Variants in RAPGEF2 observed in about 807,000 individuals in gnomAD.
RAPGEF2 encodes the protein PDZ domain containing guanine nucleotide exchange factor (GEF) 1.
RAPGEF2 carries 54 observed loss-of-function variants against 186.7 expected under a neutral mutation model. The observed-to-expected ratio is 0.29, with a 90% confidence interval of 0.23 to 0.36. RAPGEF2 has a LOEUF of 0.36. Among genes scored for constraint, RAPGEF2 ranks in the 10% least tolerant of loss-of-function variants. RAPGEF2 has a pLI of 1.00. For synonymous variants in RAPGEF2, 712 were observed against 705.9 expected, an observed-to-expected ratio of 1.01 and a Z score of -0.14; for missense variants, 1,532 against 2,045.0, an observed-to-expected ratio of 0.75 and a Z score of 4.84.
chr4:159,301,108 C>T (rs944029261), intron 7 of RAPGEF2, among the ~76,000 whole-genome samples: 30 of 152,194 alleles, frequency 2.0e-4, no homozygotes, highest in African/African-American at 7.2e-4. Flanking sequence ...TGTGGTGGCT[C>T]ATGCCTGTAA....
intron 4 of RAPGEF2, among the ~76,000 whole-genome samples, chr4:159,229,919 GAT>G (rs1752448090): frequency 1.3e-5 from 2 of 151,428 alleles, no homozygotes; most frequent in South Asian, 4.2e-4. Flanking sequence ...TTTCTTTTTT[GAT>G]ATGGCAGAGA....
In RAPGEF2 at chr4:159,173,022, T is replaced by C. The variant is rs541928023; in HGVS notation, c.70-13620T>C. Among the ~76,000 whole-genome samples the C allele has an allele frequency of 9.2e-5, 14 of 152,300 alleles. No homozygotes were observed. In the South Asian group the frequency reaches 2.9e-3, roughly 32 times the overall value. On this transcript the variant is annotated intron_variant, in intron 1 of 29. Transcript: ENST00000691494. The stretch of plus-strand genomic sequence containing the variant: ...CCTAAAATTTCTTTAGCATTTTAGC[T>C]CATTTTCTGACCAATAGTGGAAGGC...
At chr4:159,275,208 A>G (rs1758695386) in intron 7 of RAPGEF2, among the ~76,000 whole-genome samples, 2 of 152,112 alleles carry the variant, frequency 1.3e-5, no homozygotes, top group East Asian at 1.9e-4. Flanking sequence ...CTATATAAAT[A>G]TGCCCCATAT....
At chr4:159,184,495 A>T (rs1747355505) in intron 1 of RAPGEF2, among the ~76,000 whole-genome samples, 1 of 152,190 alleles carries the variant, frequency 6.6e-6, no homozygotes, top group Admixed American at 6.5e-5. Flanking sequence ...ATGGCCAGTG[A>T]TGATGAGCAT....
At chr4:159,123,785 T>C (rs1349085695) in intron 1 of RAPGEF2, among the ~76,000 whole-genome samples, 1 of 152,238 alleles carries the variant, frequency 6.6e-6, no homozygotes, top group South Asian at 2.1e-4. Context: ...CCCAAAGTGC[T>C]GGGATTACAG....
intron 1 of RAPGEF2, among the ~76,000 whole-genome samples, chr4:159,133,606 C>T (rs972679937): frequency 1.3e-5 from 2 of 150,906 alleles, no homozygotes; most frequent in African/African-American, 2.4e-5. Flanking sequence ...ATTTATTTTT[C>T]GGAGTCTGGC....
intron 1 of RAPGEF2, among the ~76,000 whole-genome samples, chr4:159,147,226 CAA>C (rs769915618): frequency 1.3e-5 from 2 of 151,862 alleles, no homozygotes; most frequent in African/African-American, 2.4e-5. Flanking sequence ...TTAAAAAACA[CAA>C]AGAATTTTTA....
Position 159,344,066 on chromosome 4 carries a change from G to C in RAPGEF2, c.3278+7G>C, listed in dbSNP as rs1482507274. The C allele has an allele frequency of 2.6e-6, 4 of 1,531,382 alleles. No individual in the cohort carries two copies. In the African/African-American group the frequency reaches 5.5e-5, roughly 21 times the overall value. 94.9% of individuals were successfully genotyped at this position (1,531,382 alleles called of 1,614,324 possible). ...AGAAATGGCGGAGTTTGGGGTAAGTGGTGGAGACCTTGCATACCCACACAC... is the reference window on the plus strand; with the variant it reads ...AGAAATGGCGGAGTTTGGGGTAAGTCGTGGAGACCTTGCATACCCACACAC... On this transcript the variant is annotated splice_region_variant and intron_variant, in intron 23 of 29. Coordinates refer to ENST00000691494, the MANE Select transcript of RAPGEF2 (RefSeq NM_001394067.2).
chr4:159,336,490 G>T (rs1487283304), intron 17 of RAPGEF2, among the ~76,000 whole-genome samples: 1 of 152,140 alleles, frequency 6.6e-6, no homozygotes, highest in Non-Finnish European at 1.5e-5. Context: ...TGCTGCAAAA[G>T]ACATTATTTT....
chr4:159,244,209 C>T (rs1754340219), intron 7 of RAPGEF2, among the ~76,000 whole-genome samples: 1 of 151,720 alleles, frequency 6.6e-6, no homozygotes, highest in Admixed American at 6.6e-5. Flanking sequence ...CAGATGAAAA[C>T]TTTAAAGTTC....
intron 1 of RAPGEF2, among the ~76,000 whole-genome samples, chr4:159,162,161 G>A (rs1396365983): frequency 7.4e-5 from 11 of 147,990 alleles, no homozygotes; most frequent in Non-Finnish European, 1.5e-4. Flanking sequence ...GAGGTGGGAT[G>A]ATTGCTTAAA....
At chr4:159,261,202 C>A (rs993530177) in intron 7 of RAPGEF2, among the ~76,000 whole-genome samples, 10 of 152,062 alleles carry the variant, frequency 6.6e-5, no homozygotes, top group Non-Finnish European at 1.3e-4. Flanking sequence ...GCTGGGACTA[C>A]AGGCACTGCC....
chr4:159,266,689 T>C (rs1757474544), intron 7 of RAPGEF2, among the ~76,000 whole-genome samples: 1 of 152,204 alleles, frequency 6.6e-6, no homozygotes, highest in Non-Finnish European at 1.5e-5. Context: ...ATCATCTAAA[T>C]GTATACAAAG....
chr4:159,145,718 A>G (rs1188895252), intron 1 of RAPGEF2, among the ~76,000 whole-genome samples: 1 of 152,228 alleles, frequency 6.6e-6, no homozygotes, highest in African/African-American at 2.4e-5. Flanking sequence ...TATATGTTTA[A>G]GAGGTATTAG....
Position 159,354,020 on chromosome 4 carries a change from C to T in RAPGEF2, c.4625C>T (p.Ala1542Val), listed in dbSNP as rs200752996. Reference protein sequence around the residue: ...PVPMPAHIAVASSTTKGLIAR... With the variant: ...PVPMPAHIAVVSSTTKGLIAR... Reference sequence around the variant, plus strand: ...CCCATGCCTGCCCACATAGCTGTGGCATCAAGTACTACAAAGGGGCTCATT... The same window carrying T: ...CCCATGCCTGCCCACATAGCTGTGGTATCAAGTACTACAAAGGGGCTCATT... Residue 1542 changes from alanine to valine, a missense_variant, in exon 28 of 30, where the codon GCA becomes GTA. Around this residue, in one of 4 missense-constraint regions of RAPGEF2, gnomAD observed 594 missense variants for 608.5 expected, o/e 0.98. Coordinates refer to ENST00000691494, the MANE Select transcript of RAPGEF2 (RefSeq NM_001394067.2). 298 of 1,600,622 alleles carry T rather than the reference C, an allele frequency of 1.9e-4. 1 individual carries two copies. The highest frequency in any genetic ancestry group is 1.8e-4 in the Non-Finnish European group (215 of 1,175,118).
At chr4:159,356,747 A>C (rs1390558081) in intron 29 of RAPGEF2, among the ~76,000 whole-genome samples, 1 of 151,906 alleles carries the variant, frequency 6.6e-6, no homozygotes, top group East Asian at 1.9e-4. Context: ...CTAAAAATAC[A>C]AAAATTAGCC....
intron 1 of RAPGEF2, among the ~76,000 whole-genome samples, chr4:159,104,498 G>GAGAGAGAGAA (rs1209874694): frequency 3.4e-5 from 3 of 88,866 alleles, no homozygotes; most frequent in Admixed American, 1.3e-4. Flanking sequence ...CCGAGAGAGA[G>GAGAGAGAGAA]AGAGAGAGAG....
intron 2 of RAPGEF2, among the ~76,000 whole-genome samples, chr4:159,191,431 AATAGAG>A (rs1214589609): frequency 1.3e-5 from 2 of 151,964 alleles, no homozygotes; most frequent in African/African-American, 4.8e-5. Context: ...GGGGTGAGAA[AATAGAG>A]ATAGAATATA....
chr4:159,313,501 T>C (rs534251923), intron 8 of RAPGEF2, among the ~76,000 whole-genome samples: 11 of 152,344 alleles, frequency 7.2e-5, no homozygotes, highest in African/African-American at 2.6e-4. Context: ...AAGTATTTAG[T>C]GTTACCTTAT....
Sources: allele counts gnomAD v4.1 joint callset (sites outside exome capture counted in the v4.1 genomes callset), GRCh38; gene constraint gnomAD v4.1.1; regional missense constraint gnomAD v4.1.1; transcripts MANE v1.5; gene names NCBI Gene and HGNC (gene_info 2026-07-23, HGNC 2026-07-21).